Variants in PPP2R5E observed in about 807,000 individuals in gnomAD.
PPP2R5E encodes protein phosphatase 2 regulatory subunit B'epsilon, also known as serine/threonine-protein phosphatase 2A 56 kDa regulatory subunit epsilon isoform.
In PPP2R5E, 4 loss-of-function variants were observed where a neutral mutation model predicts 65.3. The ratio of observed to expected loss-of-function variants is 0.06; its 90% CI spans 0.03 to 0.14. The LOEUF is 0.14. Ranked by LOEUF, PPP2R5E falls within the 10% of genes least tolerant of loss-of-function variation. PPP2R5E has a pLI of 1.00. For synonymous variants in PPP2R5E, 183 were observed against 187.4 expected (o/e 0.98, Z 0.19); for missense variants, 274 against 556.1 (o/e 0.49, Z 5.10).
intron 2 of PPP2R5E, among the ~76,000 whole-genome samples, chr14:63,458,192 G>A (rs1293114935): frequency 6.6e-6 from 1 of 152,214 alleles, no homozygotes; most frequent in East Asian, 1.9e-4. Flanking sequence ...TGTATCTAAA[G>A]AAGTCAACAG....
chr14:63,416,534 T>A (rs1439358594), intron 4 of PPP2R5E, among the ~76,000 whole-genome samples: 1 of 152,224 alleles, frequency 6.6e-6, no homozygotes, highest in South Asian at 2.1e-4. Flanking sequence ...TGCTAACTTT[T>A]TGGTCTCACT....
intron 2 of PPP2R5E, among the ~76,000 whole-genome samples, chr14:63,499,521 T>G (rs912530244): frequency 2.0e-5 from 3 of 151,896 alleles, no homozygotes; most frequent in Non-Finnish European, 4.4e-5. Context: ...AGTCAGGAGT[T>G]CGAGACCAGC....
At chr14:63,538,019 G>A (rs963308365) in intron 2 of PPP2R5E, among the ~76,000 whole-genome samples, 1 of 152,268 alleles carries the variant, frequency 6.6e-6, no homozygotes. Flanking sequence ...TATTAAAAAC[G>A]TGTTGGGCCG....
intron 3 of PPP2R5E, chr14:63,452,354 G>A (rs1454191665): frequency 5.3e-5 from 8 of 152,196 alleles, no homozygotes; most frequent in Admixed American, 3.9e-4. Context: ...AGTGGCACTT[G>A]TGATATCTGG....
chr14:63,433,032 GT>G (rs747571866), intron 3 of PPP2R5E, among the ~76,000 whole-genome samples: 1,500 of 96,452 alleles, frequency 0.016, 4 homozygotes, highest in African/African-American at 0.038. Flanking sequence ...GTTTTGTTTT[GT>G]TTTTTTTTTT....
rs767892639 is a variant in PPP2R5E at position 63,467,222 on chromosome 14, C to CAAAAAAAAAAA, written c.158-13338_158-13337insTTTTTTTTTTT. ...TGGGTGACAGAGCAAGACTCCGTCT[C>CAAAAAAAAAAA]AAAAAAAACAAACAAACAAACAAAA... On this transcript the variant is annotated intron_variant, in intron 2 of 13. Coordinates refer to ENST00000337537, the MANE Select transcript of PPP2R5E (RefSeq NM_006246.5). Among the ~76,000 whole-genome samples the CAAAAAAAAAAA allele has an allele frequency of 1.4e-3, 155 of 114,284 alleles. 23 individuals are homozygous for CAAAAAAAAAAA. Among genetic ancestry groups the CAAAAAAAAAAA allele is most frequent in the Middle Eastern group, 4.0e-3 (1 of 250 alleles). 75.0% of individuals were successfully genotyped at this position (114,284 alleles called of 152,430 possible).
intron 7 of PPP2R5E, 110 bp downstream of exon 7, chr14:63,395,116 C>G: frequency 1.2e-6 from 1 of 847,164 alleles, no homozygotes; most frequent in Non-Finnish European, 1.9e-6. Flanking sequence ...ATGAGAGAGA[C>G]CCAATGTACA....
intron 5 of PPP2R5E, among the ~76,000 whole-genome samples, chr14:63,412,873 T>C (rs534268495): frequency 6.6e-6 from 1 of 152,290 alleles, no homozygotes; most frequent in African/African-American, 2.4e-5. Flanking sequence ...ACCACTGTTA[T>C]AGAGAAAAAG....
At chr14:63,407,556 T>C (rs1248553695) in intron 5 of PPP2R5E, among the ~76,000 whole-genome samples, 2 of 152,262 alleles carry the variant, frequency 1.3e-5, no homozygotes, top group East Asian at 3.9e-4. Context: ...GCTTATTTTT[T>C]TTATATAAAA....
chr14:63,519,701 A>T (rs1006057700), intron 2 of PPP2R5E, among the ~76,000 whole-genome samples: 1 of 148,992 alleles, frequency 6.7e-6, no homozygotes, highest in Admixed American at 6.7e-5. Flanking sequence ...TTGCTCTGTT[A>T]CCGAGGCTGG....
chr14:63,446,830 A>C (rs1268915101), intron 3 of PPP2R5E, among the ~76,000 whole-genome samples: 4 of 250 alleles, frequency 0.016, no homozygotes, highest in Non-Finnish European at 0.028. Context: ...CTCCATCTCA[A>C]AAAAAAAAAA....
intron 12 of PPP2R5E, 43 bp downstream of exon 12, chr14:63,384,401 A>G: frequency 1.3e-6 from 2 of 1,581,588 alleles, no homozygotes; most frequent in Non-Finnish European, 1.7e-6. Context: ...AAAGAAAGAG[A>G]GGAAGGGAGG....
At position 63,393,850 on chromosome 14, in the gene PPP2R5E, A is replaced by G. The variant is rs144190526; in HGVS notation, c.819T>C (p.Thr273=). 1.9e-4 allele frequency: 311 copies of G among 1,607,860 alleles called. No individual in the cohort carries two copies. Among genetic ancestry groups the G allele is most frequent in the Non-Finnish European group, 5.0e-5 (59 of 1,174,568 alleles). ...CATGGAAGAGTGATAAGCTCCTGAC[A>G]GTGTGTAAAGGGATCAATACTTTCA... is the stretch of plus-strand genomic sequence containing the variant. ...FLVKVLIPLH[T]VRSLSLFHAQ... Residue 273 remains threonine (T), a synonymous_variant, in exon 8 of 14, where the codon ACT becomes ACC. Coordinates refer to ENST00000337537, the MANE Select transcript of PPP2R5E (RefSeq NM_006246.5).
At chr14:63,396,547 A>G (rs763594081) in intron 6 of PPP2R5E, 39 bp downstream of exon 6, 19 of 1,603,978 alleles carry the variant, frequency 1.2e-5, no homozygotes, top group Admixed American at 1.7e-5. Context: ...AAAAACACCA[A>G]CTTTGCTTCT....
chr14:63,478,771 T>C (rs1890542031), intron 2 of PPP2R5E, among the ~76,000 whole-genome samples: 1 of 152,128 alleles, frequency 6.6e-6, no homozygotes, highest in Non-Finnish European at 1.5e-5. Context: ...CAATGCTGAC[T>C]TACCCTGAGA....
intron 2 of PPP2R5E, among the ~76,000 whole-genome samples, chr14:63,495,300 G>A (rs1040413338): frequency 2.6e-5 from 4 of 151,352 alleles, no homozygotes; most frequent in Admixed American, 6.6e-5. Context: ...GGCCAGGCAC[G>A]GTGGTTCACG....
intron 13 of PPP2R5E, among the ~76,000 whole-genome samples, chr14:63,376,451 G>A (rs979654688): frequency 1.8e-4 from 26 of 144,478 alleles, no homozygotes; most frequent in Non-Finnish European, 3.0e-5. Context: ...CCCACCTCAT[G>A]CATATTTAAA....
chr14:63,413,532 C>T (rs565243959), intron 5 of PPP2R5E, among the ~76,000 whole-genome samples: 180 of 152,222 alleles, frequency 1.2e-3, no homozygotes, highest in African/African-American at 4.2e-3. Flanking sequence ...TCAGTTTATG[C>T]ATCTATAAAA....
At chr14:63,520,886 A>AAAAAG (rs1566759558) in intron 2 of PPP2R5E, among the ~76,000 whole-genome samples, 3 of 142,926 alleles carry the variant, frequency 2.1e-5, no homozygotes, top group Admixed American at 1.4e-4. Context: ...AAAAAAAAAA[A>AAAAAG]CAATTAGCCG....
Sources: allele counts gnomAD v4.1 joint callset (sites outside exome capture counted in the v4.1 genomes callset), GRCh38; gene constraint gnomAD v4.1.1; transcripts MANE v1.5; gene names NCBI Gene and HGNC (gene_info 2026-07-23, HGNC 2026-07-21).